Variants in SUPT3H observed in about 807,000 individuals in gnomAD.
The protein encoded by SUPT3H is transcription initiation protein SPT3 homolog.
A neutral mutation model predicts 44.3 loss-of-function variants in SUPT3H; 44 were observed. That is an observed-to-expected ratio of 0.99 (90% confidence interval 0.78 to 1.28). SUPT3H has a LOEUF of 1.28. SUPT3H is among the 50% of genes most tolerant of loss of function. The probability of loss-of-function intolerance (pLI) is 0.00; values close to 1 mark genes in which losing one functional copy is unlikely to be tolerated. For synonymous variants in SUPT3H, 124 were observed against 125.6 expected (o/e 0.99, Z 0.09); for missense variants, 380 against 387.1 (o/e 0.98, Z 0.15).
intron 3 of SUPT3H, among the ~76,000 whole-genome samples, chr6:45,044,146 T>C (rs1243548796): frequency 6.6e-6 from 1 of 152,194 alleles, no homozygotes; most frequent in Non-Finnish European, 1.5e-5. Context: ...AGTGCAGTGT[T>C]AATGCTAATG....
chr6:45,336,439 G>A (rs1490637620), intron 2 of SUPT3H, among the ~76,000 whole-genome samples: 1 of 151,434 alleles, frequency 6.6e-6, no homozygotes, highest in African/African-American at 2.4e-5. Context: ...TTAGAGCCAT[G>A]TGCTGATTAT....
chr6:45,332,824 A>C (rs1787777211), intron 2 of SUPT3H, among the ~76,000 whole-genome samples: 1 of 151,772 alleles, frequency 6.6e-6, no homozygotes, highest in Non-Finnish European at 1.5e-5. Context: ...CTAGTCACTC[A>C]CAAGTCAGAC....
intron 2 of SUPT3H, among the ~76,000 whole-genome samples, chr6:45,304,095 T>A (rs187541243): frequency 1.5e-3 from 226 of 152,294 alleles, no homozygotes; most frequent in African/African-American, 5.2e-3. Flanking sequence ...TAAGTACTAG[T>A]ATACTACAGA....
At chr6:45,020,260 T>C (rs1177397355) in intron 4 of SUPT3H, among the ~76,000 whole-genome samples, 2 of 151,764 alleles carry the variant, frequency 1.3e-5, no homozygotes, top group African/African-American at 4.8e-5. Flanking sequence ...GAACATAGAG[T>C]CAGTATTTAG....
chr6:45,322,137 T>C (rs925347425), intron 2 of SUPT3H, among the ~76,000 whole-genome samples: 2 of 152,012 alleles, frequency 1.3e-5, no homozygotes, highest in Non-Finnish European at 2.9e-5. Context: ...CTAAAAAAGC[T>C]AGTTTTAGAA....
rs532663366 is a variant in SUPT3H, at chr6:44,894,416, G to C, written c.912+38237C>G. Reference sequence around the variant, plus strand: ...ATTTTTGTATAAGGTGTAAGGAAGGGATCCAGTTTCAGCTTTCTATATACG... The same window carrying C: ...ATTTTTGTATAAGGTGTAAGGAAGGCATCCAGTTTCAGCTTTCTATATACG... On this transcript the variant is annotated intron_variant, in intron 10 of 10. Transcript: ENST00000371459. 7.9e-5 allele frequency among the ~76,000 whole-genome samples: 12 copies of C among 152,262 alleles called. No individual in the cohort carries two copies. The South Asian group carries it at 2.1e-3, about 26-fold the overall frequency.
chr6:45,209,632 A>G (rs1763765155), intron 2 of SUPT3H, among the ~76,000 whole-genome samples: 1 of 152,192 alleles, frequency 6.6e-6, no homozygotes. Context: ...CTAAGATGAA[A>G]TCTGTTCCTG....
intron 9 of SUPT3H, among the ~76,000 whole-genome samples, chr6:44,937,507 G>A (rs372503052): frequency 1.3e-5 from 2 of 150,118 alleles, no homozygotes; most frequent in East Asian, 1.9e-4. Flanking sequence ...AAAAAAAACC[G>A]TACTGTTTTC....
intron 2 of SUPT3H, among the ~76,000 whole-genome samples, chr6:45,106,976 A>G (rs990233739): frequency 1.3e-5 from 2 of 152,260 alleles, no homozygotes; most frequent in African/African-American, 4.8e-5. Flanking sequence ...ATAAAAGTGT[A>G]TGATGTAATC....
rs867095850 is a variant in SUPT3H at position 45,312,150 on chromosome 6, C to T, written c.101+53051G>A. ...AAAGAGCATTTCATGCAAATGGACA[C>T]CAAAAGCAAGCAGGAGTAGCAATTC... On this transcript the variant is annotated intron_variant, in intron 2 of 10. Coordinates refer to ENST00000371459, the MANE Select transcript of SUPT3H (RefSeq NM_003599.4). Among the ~76,000 whole-genome samples, 19 of 152,062 alleles carry T rather than the reference C, an allele frequency of 1.2e-4. No individual in the cohort carries two copies. The South Asian group carries it at 2.9e-3, about 23-fold the overall frequency.
At chr6:44,989,865 G>C (rs998026065) in intron 6 of SUPT3H, among the ~76,000 whole-genome samples, 1 of 151,928 alleles carries the variant, frequency 6.6e-6, no homozygotes, top group Non-Finnish European at 1.5e-5. Context: ...TTGCTATTGA[G>C]TTGTGTGAGT....
At chr6:45,012,411 T>C (rs996330298) in intron 5 of SUPT3H, among the ~76,000 whole-genome samples, 5 of 152,082 alleles carry the variant, frequency 3.3e-5, no homozygotes, top group Admixed American at 3.3e-4. Flanking sequence ...GTTCAGATTC[T>C]TTCTTCTGCC....
intron 3 of SUPT3H, among the ~76,000 whole-genome samples, chr6:45,031,146 T>C (rs1365819646): frequency 2.0e-5 from 3 of 152,200 alleles, no homozygotes; most frequent in Admixed American, 2.0e-4. Context: ...GTAAATGTTA[T>C]TGACATTTAT....
chr6:45,170,392 A>G lies in SUPT3H; in HGVS notation c.102-64386T>C, dbSNP rs963896807. 2.6e-5 allele frequency among the ~76,000 whole-genome samples: 4 copies of G among 152,302 alleles called. No homozygotes were observed. In the South Asian group the frequency reaches 8.3e-4, roughly 32 times the overall value. On this transcript the variant is annotated intron_variant, in intron 2 of 10. Coordinates refer to ENST00000371459, the MANE Select transcript of SUPT3H (RefSeq NM_003599.4). ...AACATGAAATTTTCCTCAGTCTACA[A>G]ATAAAGAGCATATCCCCACACTCCT...
chr6:45,264,496 C>T (rs1266164447), intron 2 of SUPT3H, among the ~76,000 whole-genome samples: 3 of 152,060 alleles, frequency 2.0e-5, no homozygotes, highest in Non-Finnish European at 4.4e-5. Context: ...AATGTCTCTA[C>T]TTAGAGTACA....
chr6:45,162,358 T>C (rs1809143231), intron 2 of SUPT3H, among the ~76,000 whole-genome samples: 1 of 151,956 alleles, frequency 6.6e-6, no homozygotes, highest in South Asian at 2.1e-4. Flanking sequence ...ATCCCTTCTC[T>C]ACAAAAATAA....
chr6:45,160,737 T>C (rs1808810472), intron 2 of SUPT3H, among the ~76,000 whole-genome samples: 1 of 152,018 alleles, frequency 6.6e-6, no homozygotes, highest in African/African-American at 2.4e-5. Flanking sequence ...AAATACAATA[T>C]GTAGGCAATA....
At chr6:45,041,451 A>G (rs1336036012) in intron 3 of SUPT3H, among the ~76,000 whole-genome samples, 2 of 152,216 alleles carry the variant, frequency 1.3e-5, no homozygotes, top group African/African-American at 4.8e-5. Context: ...AACTTGGTCT[A>G]TATGAGAAAC....
chr6:44,905,508 AG>A (rs1765879343), intron 10 of SUPT3H, among the ~76,000 whole-genome samples: 1 of 151,022 alleles, frequency 6.6e-6, no homozygotes, highest in Admixed American at 6.6e-5. Flanking sequence ...ATCATTAAAA[AG>A]TCAGGAAACA....
Sources: allele counts gnomAD v4.1 joint callset (sites outside exome capture counted in the v4.1 genomes callset), GRCh38; gene constraint gnomAD v4.1.1; transcripts MANE v1.5; gene names NCBI Gene and HGNC (gene_info 2026-07-23, HGNC 2026-07-21).